Variants in PTCD1 observed in about 807,000 individuals in gnomAD.
PTCD1 encodes the protein pentatricopeptide repeat domain 1, also known as pentatricopeptide repeat-containing protein 1, mitochondrial.
PTCD1 carries 50 observed loss-of-function variants against 53.4 expected under a neutral mutation model. The observed-to-expected ratio is 0.94, with a 90% CI of 0.75 to 1.19. The LOEUF is 1.19. Ranked by LOEUF, PTCD1 falls within the 50% of genes most tolerant of loss-of-function variation. The pLI is 0.00. For synonymous variants in PTCD1, 413 were observed against 394.8 expected (o/e 1.05, Z -0.55); for missense variants, 918 against 904.8 (o/e 1.01, Z -0.19).
rs1795535279 is a variant in PTCD1, at chr7:99,417,178, T to TCC, written c.*2787_*2788dup. 1 of 396,468 alleles carries TCC rather than the reference T, an allele frequency of 2.5e-6. No individual in the cohort carries two copies. Among genetic ancestry groups the TCC allele is most frequent in the Non-Finnish European group, 4.7e-6 (1 of 212,452 alleles). 24.6% of individuals were successfully genotyped at this position (396,468 alleles called of 1,614,324 possible). On this transcript the variant is annotated 3_prime_UTR_variant, in exon 8 of 8. Coordinates refer to ENST00000292478, the MANE Select transcript of PTCD1 (RefSeq NM_015545.4). ...TTCAAGTGATTCTCCTGCCTCAGCC[T>TCC]CCTAAGTAGCTGGGATTACAGCTGC...
At chr7:99,437,023 C>G (rs1796496179) in intron 1 of PTCD1, among the ~76,000 whole-genome samples, 1 of 152,206 alleles carries the variant, frequency 6.6e-6, no homozygotes, top group Admixed American at 6.5e-5. Context: ...CACCACCATA[C>G]CTGTCTAATT....
rs143390232 is a variant in PTCD1, at chr7:99,430,405, A to G, written c.595-599T>C. ...GCTCAGGGTTGACAATCCGTGGTGA[A>G]GCCTAGCACTCGCTATTGGCCAGAG... On this transcript the variant is annotated intron_variant, in intron 3 of 7. Coordinates refer to ENST00000292478, the MANE Select transcript of PTCD1 (RefSeq NM_015545.4). Among the ~76,000 whole-genome samples the G allele has an allele frequency of 7.5e-3, 1,149 of 152,344 alleles. 9 individuals carry two copies. The highest frequency in any genetic ancestry group is 0.01 in the Non-Finnish European group (704 of 68,032).
chr7:99,434,203 C>T (rs755322460), intron 2 of PTCD1, among the ~76,000 whole-genome samples: 18 of 151,840 alleles, frequency 1.2e-4, no homozygotes, highest in Non-Finnish European at 2.2e-4. Flanking sequence ...CCCAGCATTT[C>T]GGGAGACCAA....
Position 99,417,667 on chromosome 7 carries a change from T to C in PTCD1, c.*2300A>G, listed in dbSNP as rs1308522452. 3 of 1,587,968 alleles carry C rather than the reference T, an allele frequency of 1.9e-6. No homozygotes were observed. The highest frequency in any genetic ancestry group is 2.6e-6 in the Non-Finnish European group (3 of 1,173,066). Reference sequence around the variant, plus strand: ...TGCCTTAGTCGACTGCAAGGGATCTTATGTTATTTGGTTGGGCTGGAATGT... The same window carrying C: ...TGCCTTAGTCGACTGCAAGGGATCTCATGTTATTTGGTTGGGCTGGAATGT... On this transcript the variant is annotated 3_prime_UTR_variant, in exon 8 of 8. Transcript: ENST00000292478.
chr7:99,418,962 A>G lies in PTCD1; in HGVS notation c.*1005T>C. On this transcript the variant is annotated 3_prime_UTR_variant, in exon 8 of 8. Transcript: ENST00000292478. ...TCTTTCTGGGGGGCTCTGGGCCAGAAGGGTGTGACTCAAGTGCATAGTCTC... is the reference window on the plus strand; with the variant it reads ...TCTTTCTGGGGGGCTCTGGGCCAGAGGGGTGTGACTCAAGTGCATAGTCTC... 5.6e-6 allele frequency: 1 copy of G among 177,302 alleles called. No individual in the cohort carries two copies. The highest frequency in any genetic ancestry group is 1.2e-4 in the South Asian group (1 of 8,256). The allele number at this position is 177,302 out of a possible 1,614,324, so 11.0% of individuals were successfully genotyped here. A position where few individuals can be genotyped will look rare whatever the true frequency, so the allele number is the denominator to read the frequency against.
At chr7:99,431,743 A>G (rs1796260446) in intron 3 of PTCD1, among the ~76,000 whole-genome samples, 1 of 151,920 alleles carries the variant, frequency 6.6e-6, no homozygotes, top group Non-Finnish European at 1.5e-5. Context: ...TCTGTCTCCA[A>G]AAAAAAAGGA....
rs1375167253 is a variant in PTCD1 at position 99,417,044 on chromosome 7, TC to T, written c.*2922del. 4.7e-6 allele frequency: 1 copy of T among 211,134 alleles called. No homozygotes were observed. The highest frequency in any genetic ancestry group is 9.7e-6 in the Non-Finnish European group (1 of 103,502). 13.1% of individuals were successfully genotyped at this position (211,134 alleles called of 1,614,324 possible). On this transcript the variant is annotated 3_prime_UTR_variant, in exon 8 of 8. Coordinates refer to ENST00000292478, the MANE Select transcript of PTCD1 (RefSeq NM_015545.4). Reference sequence around the variant, plus strand: ...TTTTTTGTTCCTCCTCCAAGGACTGTCCCGTTGCAATACTGAATGCCTTTTT... The same window carrying T: ...TTTTTTGTTCCTCCTCCAAGGACTGTCCGTTGCAATACTGAATGCCTTTTT...
intron 4 of PTCD1, 55 bp downstream of exon 4, chr7:99,429,533 C>T: frequency 6.2e-7 from 1 of 1,611,388 alleles, no homozygotes; most frequent in Non-Finnish European, 8.5e-7. Context: ...AGCCCTGCCC[C>T]TGACACGTGG....
chr7:99,427,387 G>A (rs1584459280), intron 5 of PTCD1, among the ~76,000 whole-genome samples: 4 of 149,526 alleles, frequency 2.7e-5, no homozygotes, highest in East Asian at 2.0e-4. Flanking sequence ...CAGCCGCCCC[G>A]TCCGGGAGGT....
At chr7:99,423,301 G>A (rs752040880) in intron 7 of PTCD1, among the ~76,000 whole-genome samples, 2 of 152,104 alleles carry the variant, frequency 1.3e-5, no homozygotes, top group Non-Finnish European at 2.9e-5. Context: ...CCAGAAGCCT[G>A]ATACAGGGAA....
chr7:99,425,735 A>C (rs1795988221), intron 5 of PTCD1, 119 bp from the exon 6 acceptor site: 1 of 1,356,380 alleles, frequency 7.4e-7, no homozygotes, highest in South Asian at 1.3e-5. Context: ...TGAGATCAGG[A>C]GTTCGAGACA....
intron 3 of PTCD1, among the ~76,000 whole-genome samples, chr7:99,432,605 T>TCCTCCGTAC (rs1562845671): frequency 2.0e-5 from 3 of 150,544 alleles, no homozygotes; most frequent in Admixed American, 1.3e-4. Context: ...GTCCTCCGTA[T>TCCTCCGTAC]GCGCAGGTCC....
chr7:99,427,632 T>C (rs1170701640), intron 5 of PTCD1, among the ~76,000 whole-genome samples: 2 of 152,090 alleles, frequency 1.3e-5, no homozygotes, highest in Non-Finnish European at 2.9e-5. Context: ...GAACGGGCCA[T>C]GATGACAGTG....
chr7:99,423,655 C>A, intron 7 of PTCD1, 120 bp downstream of exon 7: 1 of 1,523,454 alleles, frequency 6.6e-7, no homozygotes, highest in Non-Finnish European at 9.0e-7. Flanking sequence ...CTAAGGGAAG[C>A]TGCTGGACAG....
intron 7 of PTCD1, among the ~76,000 whole-genome samples, chr7:99,420,430 C>A (rs1345965839): frequency 6.6e-6 from 1 of 152,206 alleles, no homozygotes; most frequent in Non-Finnish European, 1.5e-5. Flanking sequence ...AGTTGCCACC[C>A]CAGGCCCCCA....
Position 99,435,166 on chromosome 7 carries a change from G to C in PTCD1, c.77C>G (p.Pro26Arg), listed in dbSNP as rs146783728. The stretch of plus-strand genomic sequence containing the variant: ...GCCTCCTGCCCACCTGGCTCTACAG[G>C]GGTCCAGGTGTTGCAGGATGAACAG... The part of the protein sequence containing the change: ...MGLFILQHLD[P>R]CRARWAGGRE... Residue 26 changes from proline (P) to arginine (R), a missense_variant, in exon 2 of 8, where the codon CCC (proline) becomes CGC (arginine). By Grantham distance (103) the Pro-to-Arg change is moderately radical (BLOSUM62 -2). Transcript: ENST00000292478. 5.0e-6 allele frequency: 8 copies of C among 1,603,250 alleles called. No individual in the cohort carries two copies. The highest frequency in any genetic ancestry group is 6.8e-6 in the Non-Finnish European group (8 of 1,177,358).
rs370941813 is a variant in PTCD1 at position 99,418,155 on chromosome 7, C to T, written c.*1812G>A. The T allele has an allele frequency of 6.3e-5, 15 of 236,890 alleles. 1 individual carries two copies. In the East Asian group the frequency reaches 1.5e-3, roughly 24 times the overall value. The allele number at this position is 236,890 out of a possible 1,614,324, so 14.7% of individuals were successfully genotyped here. A position where few individuals can be genotyped will look rare whatever the true frequency, so the allele number is the denominator to read the frequency against. On this transcript the variant is annotated 3_prime_UTR_variant, in exon 8 of 8. Coordinates refer to ENST00000292478, the MANE Select transcript of PTCD1 (RefSeq NM_015545.4). ...GCTAATTTTGTATTTTTAGTAGAGA[C>T]GGGGTTTCTCAATGTTGCTCAGGCT...
chr7:99,420,004 T>C lies in PTCD1; in HGVS notation c.2066A>G (p.Lys689Arg). ...TKPQGDQDTG[K>R]EADDGCALGG... Reference sequence around the variant, plus strand: ...AAGGGCACATCCGTCATCAGCCTCCTTGCCGGTGTCCTGGTCCCCCTGGGG... The same window carrying C: ...AAGGGCACATCCGTCATCAGCCTCCCTGCCGGTGTCCTGGTCCCCCTGGGG... Residue 689 changes from lysine (K) to arginine (R), a missense_variant, in exon 8 of 8, where the codon AAG (lysine) becomes AGG (arginine). Transcript: ENST00000292478. 1 of 1,614,230 alleles carries C rather than the reference T, an allele frequency of 6.2e-7. No homozygotes were observed. The highest frequency in any genetic ancestry group is 8.5e-7 in the Non-Finnish European group (1 of 1,180,016).
chr7:99,425,575 C>G lies in PTCD1; in HGVS notation c.957G>C (p.Arg319=). The part of the protein sequence containing the change: ...LMLSLGLQPS[R]DSYNLLLVAA... Reference sequence around the variant, plus strand: ...CCACCAACAGCAGGTTGTAGCTGTCCCGGCTCGGCTGTAGCCCTAGACTCA... The same window carrying G: ...CCACCAACAGCAGGTTGTAGCTGTCGCGGCTCGGCTGTAGCCCTAGACTCA... Residue 319 remains arginine (R), a synonymous_variant, in exon 6 of 8, where the codon CGG becomes CGC. Transcript: ENST00000292478. 6.2e-7 allele frequency: 1 copy of G among 1,611,728 alleles called. No homozygotes were observed. Among genetic ancestry groups the G allele is most frequent in the Non-Finnish European group, 8.5e-7 (1 of 1,179,822 alleles).
Sources: allele counts gnomAD v4.1 joint callset (sites outside exome capture counted in the v4.1 genomes callset), GRCh38; gene constraint gnomAD v4.1.1; transcripts MANE v1.5; gene names NCBI Gene and HGNC (gene_info 2026-07-23, HGNC 2026-07-21).